The following SNTG1 variants were observed in gnomAD, a reference collection of about 807,000 sequenced individuals.
The protein encoded by SNTG1 is syntrophin gamma 1, also known as gamma-1-syntrophin.
In SNTG1, 39 loss-of-function variants were observed where a neutral mutation model predicts 74.7. That is an observed-to-expected ratio of 0.52 (90% CI 0.40 to 0.68). SNTG1 has a LOEUF of 0.68. Among genes scored for constraint, SNTG1 ranks in the 30% least tolerant of loss-of-function variants. The pLI is 0.00. For synonymous variants in SNTG1, 254 were observed against 217.1 expected, an observed-to-expected ratio of 1.17 and a Z score of -1.49; for missense variants, 685 against 609.5, an observed-to-expected ratio of 1.12 and a Z score of -1.30.
At chr8:50,052,501 G>A (rs1283382786) in intron 1 of SNTG1, among the ~76,000 whole-genome samples, 1 of 152,020 alleles carries the variant, frequency 6.6e-6, no homozygotes, top group Non-Finnish European at 1.5e-5. Flanking sequence ...AAATTCTTGT[G>A]CCCTAAAGTT....
At chr8:50,178,372 T>C (rs2083076711) in intron 2 of SNTG1, among the ~76,000 whole-genome samples, 1 of 149,906 alleles carries the variant, frequency 6.7e-6, no homozygotes, top group Admixed American at 6.6e-5. Flanking sequence ...TTTTTTTTTC[T>C]GTCACTTTCT....
At chr8:50,517,616 C>CAAAAA (rs1161724778) in intron 9 of SNTG1, among the ~76,000 whole-genome samples, 21 of 62,328 alleles carry the variant, frequency 3.4e-4, no homozygotes, top group South Asian at 7.1e-4. Flanking sequence ...AAATGGAAAG[C>CAAAAA]AAAAAAAAAA....
chr8:50,347,981 C>A (rs897807803), intron 2 of SNTG1, among the ~76,000 whole-genome samples: 1 of 152,062 alleles, frequency 6.6e-6, no homozygotes, highest in South Asian at 2.1e-4. Context: ...TTCACTTCCC[C>A]AAGAAACATT....
intron 18 of SNTG1, among the ~76,000 whole-genome samples, chr8:50,773,992 A>C (rs1029143096): frequency 2.0e-5 from 3 of 152,082 alleles, no homozygotes; most frequent in African/African-American, 7.2e-5. Context: ...TGAACAAAAC[A>C]TTTGAGTTTA....
chr8:50,110,622 G>A (rs186818531), intron 1 of SNTG1, among the ~76,000 whole-genome samples: 29 of 152,282 alleles, frequency 1.9e-4, no homozygotes, highest in South Asian at 4.1e-4. Context: ...CCAACTGCTC[G>A]AGATGAAGCT....
chr8:50,396,757 T>G (rs1317854272), intron 3 of SNTG1, among the ~76,000 whole-genome samples: 1 of 152,176 alleles, frequency 6.6e-6, no homozygotes, highest in Non-Finnish European at 1.5e-5. Flanking sequence ...TTTGTACATT[T>G]TGAAAGACTA....
At chr8:50,383,799 A>G (rs2092529757) in intron 2 of SNTG1, among the ~76,000 whole-genome samples, 1 of 152,152 alleles carries the variant, frequency 6.6e-6, no homozygotes, top group South Asian at 2.1e-4. Context: ...CCTGACCTCC[A>G]AGCTGGAGCA....
At chr8:50,700,237 C>T (rs1009436484) in intron 15 of SNTG1, among the ~76,000 whole-genome samples, 4 of 152,180 alleles carry the variant, frequency 2.6e-5, no homozygotes, top group African/African-American at 9.6e-5. Context: ...TTTAGTTTTT[C>T]AGTTAGTTAT....
In SNTG1 at chr8:50,553,114, G is replaced by T; in HGVS notation, c.745G>T (p.Ala249Ser). The T allele has an allele frequency of 6.2e-7, 1 of 1,613,944 alleles. No individual in the cohort carries two copies. ...VCTGIIQCLS[A>S]EDCVDWLQAI... ...CACTGGGATTATTCAGTGCCTCTCTGCTGAAGACTGCGTTGACTGGCTACA... is the reference window on the plus strand; with the variant it reads ...CACTGGGATTATTCAGTGCCTCTCTTCTGAAGACTGCGTTGACTGGCTACA... Residue 249 changes from alanine (A) to serine (S), a missense_variant, in exon 12 of 19, where the codon GCT (alanine) becomes TCT (serine). Ala to Ser is a moderately conservative substitution (Grantham distance 99, BLOSUM62 1). Coordinates refer to ENST00000642720, the MANE Select transcript of SNTG1 (RefSeq NM_018967.5).
chr8:50,126,936 A>G (rs746256864), intron 1 of SNTG1, among the ~76,000 whole-genome samples: 2 of 152,148 alleles, frequency 1.3e-5, no homozygotes, highest in African/African-American at 4.8e-5. Flanking sequence ...GGAGCATACA[A>G]TCTTGGAGGC....
At chr8:50,637,727 C>T (rs937580571) in intron 13 of SNTG1, among the ~76,000 whole-genome samples, 9 of 151,448 alleles carry the variant, frequency 5.9e-5, no homozygotes, top group Admixed American at 2.0e-4. Flanking sequence ...GAATTGTTTA[C>T]GAATATATTT....
chr8:50,281,850 G>C (rs1350316165), intron 2 of SNTG1, among the ~76,000 whole-genome samples: 1 of 152,144 alleles, frequency 6.6e-6, no homozygotes, highest in African/African-American at 2.4e-5. Context: ...ATCTGTTAAA[G>C]TCCACTTTGC....
At chr8:50,330,197 A>G (rs1587161171) in intron 2 of SNTG1, among the ~76,000 whole-genome samples, 1 of 152,126 alleles carries the variant, frequency 6.6e-6, no homozygotes, top group African/African-American at 2.4e-5. Context: ...TTCACATGAG[A>G]TCTGATGTTT....
intron 8 of SNTG1, among the ~76,000 whole-genome samples, chr8:50,491,768 G>A (rs1007941491): frequency 2.0e-5 from 3 of 151,920 alleles, no homozygotes; most frequent in African/African-American, 7.3e-5. Context: ...TGTGTGGAAA[G>A]TGCAGGTTTG....
At position 50,237,957 on chromosome 8, in the gene SNTG1, A is replaced by T. The variant is rs552620297; in HGVS notation, c.-28+65322A>T. On this transcript the variant is annotated intron_variant, in intron 2 of 18. Coordinates refer to ENST00000642720, the MANE Select transcript of SNTG1 (RefSeq NM_018967.5). ...CTTCGTTTCTTTGCCTATTACTAGAATGATACAACTTTTTGTTTTTAAGAT... is the reference window on the plus strand; with the variant it reads ...CTTCGTTTCTTTGCCTATTACTAGATTGATACAACTTTTTGTTTTTAAGAT... Among the ~76,000 whole-genome samples, 76 of 152,276 alleles carry T rather than the reference A, an allele frequency of 5.0e-4. No homozygotes were observed. The South Asian group carries it at 7.5e-3, about 15-fold the overall frequency.
intron 3 of SNTG1, among the ~76,000 whole-genome samples, chr8:50,397,879 G>T (rs1324340471): frequency 6.6e-6 from 1 of 152,096 alleles, no homozygotes; most frequent in Non-Finnish European, 1.5e-5. Flanking sequence ...AAAGGCAGAT[G>T]GTTGCGTTAA....
chr8:50,277,734 T>C (rs986492402), intron 2 of SNTG1, among the ~76,000 whole-genome samples: 5 of 152,206 alleles, frequency 3.3e-5, no homozygotes, highest in African/African-American at 9.7e-5. Context: ...TCTGAGATAT[T>C]ATTCTCTTCT....
intron 9 of SNTG1, among the ~76,000 whole-genome samples, chr8:50,520,941 T>C (rs1454620870): frequency 6.6e-6 from 1 of 152,184 alleles, no homozygotes; most frequent in Admixed American, 6.5e-5. Flanking sequence ...CAAAGGAATA[T>C]AAATCTTTCT....
chr8:50,077,842 G>A (rs1822033400), intron 1 of SNTG1, among the ~76,000 whole-genome samples: 1 of 152,108 alleles, frequency 6.6e-6, no homozygotes, highest in Non-Finnish European at 1.5e-5. Flanking sequence ...ATGTGTGTCT[G>A]TGTGTGTATG....
Sources: gnomAD v4.1 joint callset for allele counts (sites outside exome capture counted in the v4.1 genomes callset) on GRCh38, gnomAD v4.1.1 for gene constraint, MANE v1.5 for transcripts, NCBI Gene and HGNC (gene_info 2026-07-23, HGNC 2026-07-21) for gene names.